ADHFE1: variants seen among roughly 807,000 people sequenced by gnomAD.
ADHFE1 encodes alcohol dehydrogenase iron containing 1.
In ADHFE1, 37 loss-of-function variants were observed where a neutral mutation model predicts 54.8. The observed-to-expected ratio is 0.68, with a 90% CI of 0.52 to 0.89. The LOEUF is 0.89. ADHFE1 is among the 40% of genes least tolerant of loss of function. ADHFE1 has a pLI of 0.00. For synonymous variants in ADHFE1, 203 were observed against 229.3 expected (o/e 0.89, Z 1.04); for missense variants, 601 against 591.2 (o/e 1.02, Z -0.17).
At position 66,447,274 on chromosome 8, in the gene ADHFE1, C is replaced by T; in HGVS notation, c.561C>T (p.Thr187=). The change falls in exon 7 of 14, where the codon ACC becomes ACT. Residue 187 remains threonine (T), a synonymous_variant. Coordinates refer to ENST00000396623, the MANE Select transcript of ADHFE1 (RefSeq NM_144650.3). ...PLKPLIAVPT[T]SGTGSETTGV... ...ATTATTTTGTTCAAGTGCCAACTAC[C>T]TCAGGAACCGGGAGTGAAACTACTG... 1 of 1,613,046 alleles carries T rather than the reference C, an allele frequency of 6.2e-7. No homozygotes were observed.
intron 8 of ADHFE1, among the ~76,000 whole-genome samples, chr8:66,450,707 G>T (rs1034832023): frequency 3.9e-5 from 6 of 152,208 alleles, no homozygotes; most frequent in Non-Finnish European, 7.3e-5. Context: ...TCTGCACTTG[G>T]ATCTGGGATC....
rs765523027 is a variant in ADHFE1 at position 66,456,855 on chromosome 8, T to A, written c.1025T>A (p.Met342Lys). Residue 342 changes from methionine (M) to lysine (K), a missense_variant, in exon 11 of 14, where the codon ATG becomes AAG. By Grantham distance (95) the Met-to-Lys change is moderately conservative. Transcript: ENST00000396623. ...TACCCAATTTCAGGTTTAGTGAAGA[T>A]GTATAAAGCAAAGGATTACAATGTG... ...MSYPISGLVK[M>K]YKAKDYNVDH... 4 of 1,604,074 alleles carry A rather than the reference T, an allele frequency of 2.5e-6. No homozygotes were observed. The highest frequency in any genetic ancestry group is 3.3e-4 in the Middle Eastern group (2 of 6,032).
At position 66,439,962 on chromosome 8, in the gene ADHFE1, G is replaced by C. The variant is rs1443492775; in HGVS notation, c.60-200G>C. Among the ~76,000 whole-genome samples, 1 of 152,120 alleles carries C rather than the reference G, an allele frequency of 6.6e-6. No homozygotes were observed. The highest frequency in any genetic ancestry group is 2.4e-5 in the African/African-American group (1 of 41,406). On this transcript the variant is annotated intron_variant, in intron 1 of 13. Transcript: ENST00000396623. This position sits in a 1 kb window ranked among gnomAD's most constrained non-coding sequence, Gnocchi z 4.4. ...GTGAAAGAATGATGCTACAGCGCTG[G>C]GAAGACGCTGAGTCAACTTTTTGTC...
At chr8:66,459,357 G>C (rs2130466995) in intron 12 of ADHFE1, among the ~76,000 whole-genome samples, 1 of 150,120 alleles carries the variant, frequency 6.7e-6, no homozygotes, top group East Asian at 2.0e-4. Flanking sequence ...CCTCCCGCGT[G>C]GCTCTTCCAG....
intron 13 of ADHFE1, among the ~76,000 whole-genome samples, chr8:66,461,700 C>G (rs535725964): frequency 1.3e-5 from 2 of 151,826 alleles, no homozygotes; most frequent in South Asian, 2.1e-4. Flanking sequence ...AGCAGAAGAT[C>G]AGGTCCCAGT....
rs753616740 is a variant in ADHFE1 at position 66,432,567 on chromosome 8, A to G, written c.51A>G (p.Gln17=). Residue 17 remains glutamine (Q), a synonymous_variant, in exon 1 of 14, where the codon CAA becomes CAG. Coordinates refer to ENST00000396623, the MANE Select transcript of ADHFE1 (RefSeq NM_144650.3). ...ARVAYLLRQL[Q]RAACQCPTHS... ...TCGCGTACTTGCTGAGGCAACTGCA[A>G]CGCGCAGCGTGAGTGCGGGGCCGGC... 1 of 1,344,760 alleles carries G rather than the reference A, an allele frequency of 7.4e-7. No individual in the cohort carries two copies. The highest frequency in any genetic ancestry group is 1.9e-5 in the South Asian group (1 of 51,900). The allele number at this position is 1,344,760 out of a possible 1,614,324, so 83.3% of individuals were successfully genotyped here.
intron 6 of ADHFE1, among the ~76,000 whole-genome samples, chr8:66,446,163 G>A (rs1312829001): frequency 1.3e-5 from 2 of 152,138 alleles, no homozygotes; most frequent in Non-Finnish European, 2.9e-5. Flanking sequence ...TAAGTCGATG[G>A]CAGATGAACT....
intron 2 of ADHFE1, among the ~76,000 whole-genome samples, chr8:66,441,724 C>T (rs1295969806): frequency 6.6e-6 from 1 of 152,062 alleles, no homozygotes; most frequent in Non-Finnish European, 1.5e-5. Context: ...AGGCCGGGCA[C>T]GGTGGCTCAC....
intron 1 of ADHFE1, among the ~76,000 whole-genome samples, chr8:66,435,375 G>A (rs1181670556): frequency 1.3e-5 from 2 of 152,140 alleles, no homozygotes; most frequent in African/African-American, 2.4e-5. Flanking sequence ...AGGCTCAGAG[G>A]TGCTGCAGAA....
intron 13 of ADHFE1, 147 bp downstream of exon 13, chr8:66,460,612 C>G (rs1806849922): frequency 2.1e-6 from 2 of 940,232 alleles, no homozygotes; most frequent in Non-Finnish European, 3.0e-6. Context: ...GCAGTTCTGT[C>G]CTTTCCTGGT....
intron 13 of ADHFE1, among the ~76,000 whole-genome samples, chr8:66,464,576 TA>T (rs1414405431): frequency 6.6e-6 from 1 of 152,188 alleles, no homozygotes; most frequent in East Asian, 1.9e-4. Flanking sequence ...TAGGGTCTCT[TA>T]AAAATCTGCT....
At chr8:66,434,326 G>A (rs1357864191) in intron 1 of ADHFE1, among the ~76,000 whole-genome samples, 1 of 152,190 alleles carries the variant, frequency 6.6e-6, no homozygotes, top group East Asian at 1.9e-4. Context: ...GGAGACCCCA[G>A]TAGGTGATTG....
chr8:66,457,601 G>C (rs1354014549), intron 12 of ADHFE1, among the ~76,000 whole-genome samples: 6 of 150,276 alleles, frequency 4.0e-5, no homozygotes, highest in Non-Finnish European at 5.9e-5. Context: ...GAGGTGGGAG[G>C]ATAGCTTAAG....
chr8:66,464,045 G>A lies in ADHFE1; in HGVS notation c.1320+3580G>A, dbSNP rs535523956. Among the ~76,000 whole-genome samples, 5 of 152,342 alleles carry A rather than the reference G, an allele frequency of 3.3e-5. No individual in the cohort carries two copies. In the South Asian group the frequency reaches 1.0e-3, roughly 32 times the overall value. ...AAACATTTCATTACTGAGGAGCGCT[G>A]TCTACCCAAATGAGCACTTCCACTC... On this transcript the variant is annotated intron_variant, in intron 13 of 13. Transcript: ENST00000396623.
At position 66,460,456 on chromosome 8, in the gene ADHFE1, G is replaced by A. The variant is rs200821866; in HGVS notation, c.1311G>A (p.Thr437=). The A allele has an allele frequency of 1.0e-5, 16 of 1,581,668 alleles. No individual in the cohort carries two copies. The highest frequency in any genetic ancestry group is 4.1e-5 in the African/African-American group (3 of 73,984). Residue 437 remains threonine, a synonymous_variant, in exon 13 of 14, where the codon ACG becomes ACA. Coordinates refer to ENST00000396623, the MANE Select transcript of ADHFE1 (RefSeq NM_144650.3). ...KADIPALVKG[T]LPQERVTKLA... is the part of the protein sequence containing the mutation. ...ATATCCCCGCACTAGTGAAAGGAAC[G>A]CTGCCCCAGGTAAGAGACCGGCAGG...
intron 13 of ADHFE1, among the ~76,000 whole-genome samples, chr8:66,466,947 G>T (rs1029539510): frequency 1.8e-4 from 28 of 152,232 alleles, no homozygotes; most frequent in African/African-American, 6.8e-4. Flanking sequence ...TAGCCTTAGA[G>T]GCCATGGTTT....
At chr8:66,446,771 TCATA>T (rs1282442609) in intron 6 of ADHFE1, among the ~76,000 whole-genome samples, 2 of 152,284 alleles carry the variant, frequency 1.3e-5, no homozygotes, top group Non-Finnish European at 2.9e-5. Flanking sequence ...GACATGGACA[TCATA>T]CATGCATGCT....
At chr8:66,454,655 A>G (rs1401094630) in intron 10 of ADHFE1, among the ~76,000 whole-genome samples, 1 of 151,808 alleles carries the variant, frequency 6.6e-6, no homozygotes, top group Non-Finnish European at 1.5e-5. Flanking sequence ...AGCTTCATCC[A>G]CCAATCCCCC....
chr8:66,448,262 A>G (rs1314527971), intron 7 of ADHFE1, among the ~76,000 whole-genome samples: 1 of 152,216 alleles, frequency 6.6e-6, no homozygotes, highest in African/African-American at 2.4e-5. Flanking sequence ...TTTTCTTTTT[A>G]AAATTAAATT....
Sources: allele counts gnomAD v4.1 joint callset (sites outside exome capture counted in the v4.1 genomes callset), GRCh38; gene constraint gnomAD v4.1.1; non-coding constraint Gnocchi (gnomAD v3.1); transcripts MANE v1.5; gene names NCBI Gene and HGNC (gene_info 2026-07-23, HGNC 2026-07-21).